The following EYS variants were observed in gnomAD, a reference collection of about 807,000 sequenced individuals.
EYS encodes the protein EGF-like photoreceptor maintenance factor.
Under a neutral mutation model 282.1 loss-of-function variants are expected in EYS, and 250 were observed. That is an observed-to-expected ratio of 0.89 (90% CI 0.80 to 0.98). The LOEUF (loss-of-function observed/expected upper bound fraction) is 0.98. Ranked by LOEUF, EYS falls within the 50% of genes least tolerant of loss-of-function variation. EYS has a pLI of 0.00. For missense variants in EYS, 4,016 were observed against 3,709.0 expected, an observed-to-expected ratio of 1.08 and a Z score of -2.15; for synonymous variants, 1,355 against 1,282.9, an observed-to-expected ratio of 1.06 and a Z score of -1.20.
At chr6:65,588,226 CTG>C (rs1562274299) in intron 2 of EYS, among the ~76,000 whole-genome samples, 1 of 152,066 alleles carries the variant, frequency 6.6e-6, no homozygotes, top group Non-Finnish European at 1.5e-5. Flanking sequence ...TTCTTTTCCT[CTG>C]TGTCATAAAC....
chr6:65,483,425 T>C (rs1023303961), intron 5 of EYS, among the ~76,000 whole-genome samples: 2 of 152,208 alleles, frequency 1.3e-5, no homozygotes, highest in African/African-American at 4.8e-5. Context: ...GGAAGGAAAT[T>C]CAAGAGCAAT....
chr6:65,463,134 C>T (rs796936256), intron 5 of EYS, among the ~76,000 whole-genome samples: 34 of 152,198 alleles, frequency 2.2e-4, no homozygotes, highest in African/African-American at 8.2e-4. Flanking sequence ...AGTAGCTCCC[C>T]ATTTCAGGGT....
At chr6:64,299,654 C>A (rs150833232) in intron 30 of EYS, among the ~76,000 whole-genome samples, 1 of 152,340 alleles carries the variant, frequency 6.6e-6, no homozygotes, top group East Asian at 1.9e-4. Context: ...AGAAACAGTA[C>A]ATAAAATTAT....
Position 64,136,515 on chromosome 6 carries a change from T to A in EYS, c.6425-54513A>T, listed in dbSNP as rs181875018. On this transcript the variant is annotated intron_variant, in intron 31 of 42. Transcript: ENST00000503581. ...CTATGGCAGCTATAACCTTACAAAA[T>A]GTATTTCTTAAAATATAAGACTTGG... Among the ~76,000 whole-genome samples, 357 of 152,244 alleles carry A rather than the reference T, an allele frequency of 2.3e-3. 1 individual carries two copies. The highest frequency in any genetic ancestry group is 8.2e-3 in the African/African-American group (339 of 41,546).
chr6:64,825,924 A>T (rs1224338644), intron 19 of EYS, among the ~76,000 whole-genome samples: 7 of 149,710 alleles, frequency 4.7e-5, no homozygotes, highest in Non-Finnish European at 1.0e-4. Flanking sequence ...TATATATATA[A>T]ATACATATGC....
At chr6:64,598,295 C>A (rs936884143) in intron 24 of EYS, among the ~76,000 whole-genome samples, 2 of 152,176 alleles carry the variant, frequency 1.3e-5, no homozygotes, top group Non-Finnish European at 2.9e-5. Context: ...CCCGTCCCTA[C>A]TAAAAATACA....
At chr6:65,089,308 T>C (rs1774481740) in intron 12 of EYS, among the ~76,000 whole-genome samples, 1 of 152,248 alleles carries the variant, frequency 6.6e-6, no homozygotes. Flanking sequence ...CAGGAGAGGG[T>C]GCTGTGCCTG....
intron 11 of EYS, among the ~76,000 whole-genome samples, chr6:65,334,421 C>T (rs1461634405): frequency 2.6e-5 from 4 of 151,598 alleles, no homozygotes; most frequent in East Asian, 2.0e-4. Context: ...GTGTGCACAA[C>T]CACACCTGGC....
chr6:64,587,782 A>T (rs1766278587), intron 26 of EYS, among the ~76,000 whole-genome samples: 1 of 152,072 alleles, frequency 6.6e-6, no homozygotes, highest in Non-Finnish European at 1.5e-5. Context: ...ATTTTAAAAG[A>T]AGAAAATACT....
chr6:64,028,230 GC>G (rs1328776843), intron 33 of EYS, among the ~76,000 whole-genome samples: 1 of 152,140 alleles, frequency 6.6e-6, no homozygotes, highest in Non-Finnish European at 1.5e-5. Flanking sequence ...ATTTGGAAGG[GC>G]AAAAAATGCC....
chr6:64,894,199 A>G (rs980650548), intron 18 of EYS, among the ~76,000 whole-genome samples: 38 of 152,062 alleles, frequency 2.5e-4, no homozygotes, highest in Non-Finnish European at 1.3e-4. Context: ...ATGTTTACCA[A>G]TATAAAGATA....
chr6:64,735,109 A>G (rs1772141993), intron 22 of EYS, among the ~76,000 whole-genome samples: 1 of 152,062 alleles, frequency 6.6e-6, no homozygotes, highest in South Asian at 2.1e-4. Context: ...TTTGAGACCC[A>G]GTCATGCTCT....
chr6:64,026,866 T>G (rs930303127), intron 33 of EYS, among the ~76,000 whole-genome samples: 1 of 152,138 alleles, frequency 6.6e-6, no homozygotes, highest in Non-Finnish European at 1.5e-5. Flanking sequence ...ACATGTCCCC[T>G]TCTCCCTCTC....
chr6:64,007,981 ATC>A (rs1279500286), intron 33 of EYS, among the ~76,000 whole-genome samples: 2 of 151,958 alleles, frequency 1.3e-5, no homozygotes, highest in Non-Finnish European at 2.9e-5. Flanking sequence ...GAGTGGAGAT[ATC>A]TGTTAGGTCC....
At chr6:65,187,713 T>C (rs1189965840) in intron 12 of EYS, among the ~76,000 whole-genome samples, 1 of 151,756 alleles carries the variant, frequency 6.6e-6, no homozygotes, top group Admixed American at 6.6e-5. Context: ...AAGCAAACTC[T>C]TCTTTGTCAA....
At chr6:64,657,267 T>C in intron 22 of EYS, among the ~76,000 whole-genome samples, 1 of 152,162 alleles carries the variant, frequency 6.6e-6, no homozygotes, top group Non-Finnish European at 1.5e-5. Flanking sequence ...TGAGATGGGT[T>C]TCCTGAATAC....
At chr6:64,526,419 T>C (rs1447091227) in intron 26 of EYS, among the ~76,000 whole-genome samples, 1 of 151,844 alleles carries the variant, frequency 6.6e-6, no homozygotes, top group Non-Finnish European at 1.5e-5. Flanking sequence ...TAAAAAAGTT[T>C]AATTTAAAAC....
At chr6:65,472,428 C>A (rs947734032) in intron 5 of EYS, among the ~76,000 whole-genome samples, 2 of 151,934 alleles carry the variant, frequency 1.3e-5, no homozygotes, top group African/African-American at 4.8e-5. Context: ...GATACATATT[C>A]TTATGGAAAA....
At chr6:63,840,836 C>T (rs1771937188) in intron 36 of EYS, among the ~76,000 whole-genome samples, 1 of 152,126 alleles carries the variant, frequency 6.6e-6, no homozygotes, top group Admixed American at 6.6e-5. Context: ...TGTCAAAAAT[C>T]TGTTGGCTTT....
Sources: allele counts gnomAD v4.1 joint callset (sites outside exome capture counted in the v4.1 genomes callset), GRCh38; gene constraint gnomAD v4.1.1; transcripts MANE v1.5; gene names NCBI Gene and HGNC (gene_info 2026-07-23, HGNC 2026-07-21).